Variants in LNX1 observed in about 807,000 individuals in gnomAD.
LNX1 encodes E3 ubiquitin-protein ligase LNX.
In LNX1, 54 loss-of-function variants were observed where a neutral mutation model predicts 68.4. The observed-to-expected ratio is 0.79, with a 90% confidence interval of 0.63 to 0.99. The LOEUF (loss-of-function observed/expected upper bound fraction) is 0.99. LNX1 is among the 50% of genes least tolerant of loss of function. The pLI, the probability that LNX1 is intolerant of heterozygous loss-of-function variation, is 0.00. For missense variants in LNX1, 906 were observed against 926.4 expected, an observed-to-expected ratio of 0.98 and a Z score of 0.29; for synonymous variants, 336 against 350.0, an observed-to-expected ratio of 0.96 and a Z score of 0.45.
intron 1 of LNX1, among the ~76,000 whole-genome samples, chr4:53,586,450 CTGG>C (rs1291396469): frequency 6.6e-6 from 1 of 152,200 alleles, no homozygotes; most frequent in Non-Finnish European, 1.5e-5. Flanking sequence ...GACTCTGCTG[CTGG>C]TGAAGTCTTT....
intron 1 of LNX1, among the ~76,000 whole-genome samples, chr4:53,627,297 A>G (rs182137156): frequency 6.6e-6 from 1 of 152,310 alleles, no homozygotes; most frequent in African/African-American, 2.4e-5. Flanking sequence ...CTTTGAAGGT[A>G]CAGGGTGGTC....
chr4:53,519,518 G>C (rs139138914), intron 2 of LNX1, among the ~76,000 whole-genome samples: 216 of 151,330 alleles, frequency 1.4e-3, no homozygotes, highest in South Asian at 8.0e-3. Context: ...GTTGTATTAG[G>C]CCCATCTTAT....
At chr4:53,498,895 C>A in intron 4 of LNX1, 52 bp from the exon 5 acceptor site, 1 of 1,343,052 alleles carries the variant, frequency 7.4e-7, no homozygotes, top group Non-Finnish European at 1.1e-6. Flanking sequence ...TGGACCTTTC[C>A]AACTACTCTT....
intron 1 of LNX1, among the ~76,000 whole-genome samples, chr4:53,586,875 C>T (rs1266910878): frequency 6.6e-6 from 1 of 152,170 alleles, no homozygotes; most frequent in East Asian, 1.9e-4. Flanking sequence ...AGATACTGTG[C>T]TGGGTATTCA....
intron 2 of LNX1, among the ~76,000 whole-genome samples, chr4:53,568,135 A>G (rs1341078109): frequency 6.6e-6 from 1 of 152,060 alleles, no homozygotes; most frequent in African/African-American, 2.4e-5. Flanking sequence ...AATCCTCCCT[A>G]ACTCATTTTA....
At chr4:53,511,332 C>T (rs1259286362) in intron 2 of LNX1, among the ~76,000 whole-genome samples, 2 of 152,052 alleles carry the variant, frequency 1.3e-5, no homozygotes, top group Non-Finnish European at 2.9e-5. Flanking sequence ...ATGGAAGAAG[C>T]GGGGAAGAGC....
intron 1 of LNX1, among the ~76,000 whole-genome samples, chr4:53,583,419 G>A (rs1731954894): frequency 6.6e-6 from 1 of 152,122 alleles, no homozygotes; most frequent in Non-Finnish European, 1.5e-5. Flanking sequence ...CTTACAGGCT[G>A]CCGCCAAGGT....
At chr4:53,501,299 T>TTTGGGGGGGGGG (rs56165716) in intron 4 of LNX1, among the ~76,000 whole-genome samples, 1 of 38,786 alleles carries the variant, frequency 2.6e-5, no homozygotes, top group Non-Finnish European at 7.0e-5. Flanking sequence ...TTTTTTTTTT[T>TTTGGGGGGGGGG]GGGGGTGGGG....
In LNX1 at chr4:53,508,186, T is replaced by C. The variant is rs1726060523; in HGVS notation, c.422A>G (p.Lys141Arg). Residue 141 changes from lysine to arginine, a missense_variant, in exon 3 of 11, where the codon AAG becomes AGG. Coordinates refer to ENST00000263925, the MANE Select transcript of LNX1 (RefSeq NM_001126328.3). Reference protein sequence around the residue: ...ASHYGLTKDRKRRSQDGCPDG... With the variant: ...ASHYGLTKDRRRRSQDGCPDG... ...TGGACAGCCATCTTGTGAGCGCCTC[T>C]TCCTATCTTTGGTCAGGCCGTAGTG... 6.2e-7 allele frequency: 1 copy of C among 1,614,084 alleles called. No homozygotes were observed. Among genetic ancestry groups the C allele is most frequent in the African/African-American group, 1.3e-5 (1 of 74,948 alleles).
chr4:53,468,211 T>A (rs1722854177), intron 9 of LNX1, among the ~76,000 whole-genome samples: 1 of 152,122 alleles, frequency 6.6e-6, no homozygotes, highest in African/African-American at 2.4e-5. Flanking sequence ...GAAAAGAATT[T>A]TCAACCCAGA....
intron 1 of LNX1, among the ~76,000 whole-genome samples, chr4:53,577,548 G>A (rs1286707594): frequency 2.6e-5 from 4 of 152,052 alleles, no homozygotes; most frequent in Non-Finnish European, 4.4e-5. Context: ...AACCAAGGGG[G>A]AGCTTTGCCC....
intron 2 of LNX1, among the ~76,000 whole-genome samples, chr4:53,601,890 G>A (rs1733032536): frequency 6.6e-6 from 1 of 152,102 alleles, no homozygotes. Flanking sequence ...GGTTACTGCT[G>A]TTTCTCCCTG....
chr4:53,599,266 G>T (rs1462628214), intron 2 of LNX1, among the ~76,000 whole-genome samples: 3 of 152,162 alleles, frequency 2.0e-5, no homozygotes, highest in African/African-American at 4.8e-5. Context: ...GATAAAACAG[G>T]TTGCAGTAAA....
intron 2 of LNX1, among the ~76,000 whole-genome samples, chr4:53,535,283 A>C (rs1728290089): frequency 6.6e-6 from 1 of 152,244 alleles, no homozygotes; most frequent in African/African-American, 2.4e-5. Flanking sequence ...TGGATGCTTA[A>C]GCCATGACTC....
intron 2 of LNX1, among the ~76,000 whole-genome samples, chr4:53,570,277 A>G (rs544600312): frequency 1.3e-5 from 2 of 149,222 alleles, no homozygotes; most frequent in South Asian, 4.4e-4. Context: ...ATGTCCAACA[A>G]TGATAGACTG....
chr4:53,528,108 T>C (rs778449962), intron 2 of LNX1, among the ~76,000 whole-genome samples: 56 of 152,246 alleles, frequency 3.7e-4, no homozygotes, highest in Non-Finnish European at 7.3e-4. Flanking sequence ...TGCAGGTTGT[T>C]GCCTAATCCT....
intron 7 of LNX1, among the ~76,000 whole-genome samples, chr4:53,480,346 C>A (rs1723831060): frequency 6.6e-6 from 1 of 152,168 alleles, no homozygotes; most frequent in Admixed American, 6.5e-5. Context: ...CCTCCCAGCT[C>A]TTTCATGATG....
chr4:53,460,976 TG>T lies in LNX1; in HGVS notation c.2117del (p.Ala706GlufsTer4). On this transcript the variant is annotated frameshift_variant, in exon 11 of 11. Coordinates refer to ENST00000263925, the MANE Select transcript of LNX1 (RefSeq NM_001126328.3). LOFTEE classifies it high-confidence loss of function. Reference protein sequence around the residue: ...STSGMIHACLARLLKELKGRI... With the variant: ...STSGMIHACLXRLLKELKGRI... ...TTCCTTTAAGTTCTTTCAGCAGTCT[TG>T]CCAAGCAAGCATGTATCATTCCTGA... 2 of 1,610,380 alleles carry T rather than the reference TG, an allele frequency of 1.2e-6. No homozygotes were observed. Among genetic ancestry groups the T allele is most frequent in the Non-Finnish European group, 1.7e-6 (2 of 1,178,224 alleles).
At chr4:53,647,676 G>A (rs1470544485) in intron 1 of LNX1, among the ~76,000 whole-genome samples, 1 of 152,176 alleles carries the variant, frequency 6.6e-6, no homozygotes, top group African/African-American at 2.4e-5. Flanking sequence ...AGTGTTAAGT[G>A]CATTCACATT....
Sources: gnomAD v4.1 joint callset for allele counts (sites outside exome capture counted in the v4.1 genomes callset) on GRCh38, gnomAD v4.1.1 for gene constraint, MANE v1.5 for transcripts, NCBI Gene and HGNC (gene_info 2026-07-23, HGNC 2026-07-21) for gene names.